The following SLC23A2 variants were observed in gnomAD, a reference collection of about 807,000 sequenced individuals.
SLC23A2 encodes the protein Na(+)/L-ascorbic acid transporter 2.
In SLC23A2, 36 loss-of-function variants were observed where a neutral mutation model predicts 73.3. The observed-to-expected ratio is 0.49, with a 90% CI of 0.38 to 0.65. The LOEUF is 0.65. Among genes scored for constraint, SLC23A2 ranks in the 30% least tolerant of loss-of-function variants. SLC23A2 has a pLI of 0.00. For synonymous variants in SLC23A2, 343 were observed against 327.3 expected (o/e 1.05, Z -0.52); for missense variants, 507 against 841.6 (o/e 0.60, Z 4.92).
intron 1 of SLC23A2, among the ~76,000 whole-genome samples, chr20:4,987,548 G>A (rs972621403): frequency 5.3e-5 from 8 of 152,104 alleles, no homozygotes; most frequent in African/African-American, 1.9e-4. Flanking sequence ...GGCTTTGTTC[G>A]CTAAAAAAAA....
chr20:4,975,245 C>T (rs1026987106), intron 1 of SLC23A2, among the ~76,000 whole-genome samples: 1 of 152,152 alleles, frequency 6.6e-6, no homozygotes, highest in African/African-American at 2.4e-5. Context: ...CCAATTCCTT[C>T]TGGGAATGCA....
At chr20:4,890,438 A>G (rs1306669890) in intron 6 of SLC23A2, among the ~76,000 whole-genome samples, 3 of 152,138 alleles carry the variant, frequency 2.0e-5, no homozygotes, top group Admixed American at 6.6e-5. Context: ...GGATAACCTG[A>G]GGTCATGAGT....
At chr20:4,982,906 G>C (rs1326782149) in intron 1 of SLC23A2, among the ~76,000 whole-genome samples, 1 of 151,796 alleles carries the variant, frequency 6.6e-6, no homozygotes, top group Non-Finnish European at 1.5e-5. Context: ...GGGAATTCGA[G>C]ACCAATCTGA....
intron 1 of SLC23A2, among the ~76,000 whole-genome samples, chr20:4,982,803 C>A (rs2087746836): frequency 1.3e-5 from 2 of 151,998 alleles, no homozygotes; most frequent in African/African-American, 4.8e-5. Context: ...GGTGATGAGA[C>A]AACCGAAAGT....
chr20:4,903,035 A>G (rs1406213040), intron 4 of SLC23A2, among the ~76,000 whole-genome samples: 1 of 152,150 alleles, frequency 6.6e-6, no homozygotes, highest in Admixed American at 6.5e-5. Flanking sequence ...GTACTTTAAA[A>G]TTCTACACCC....
chr20:4,878,127 C>T (rs183676346), intron 9 of SLC23A2, among the ~76,000 whole-genome samples: 1 of 152,352 alleles, frequency 6.6e-6, no homozygotes, highest in East Asian at 1.9e-4. Flanking sequence ...TTTAAATTAA[C>T]CAGTAGAACT....
At chr20:4,970,635 G>A (rs138677425) in intron 2 of SLC23A2, among the ~76,000 whole-genome samples, 158 bp downstream of exon 2, 2 of 152,312 alleles carry the variant, frequency 1.3e-5, no homozygotes, top group East Asian at 3.9e-4. Flanking sequence ...TACTTGGGAA[G>A]CTGAGGTAGA....
rs978522874 is a variant in SLC23A2, at chr20:4,862,198, A to G, written c.1487-113T>C. 8.6e-6 allele frequency: 9 copies of G among 1,043,068 alleles called. No homozygotes were observed. In the African/African-American group the frequency reaches 1.3e-4, roughly 15 times the overall value. The allele number at this position is 1,043,068 out of a possible 1,614,324, so 64.6% of individuals were successfully genotyped here. ...CTTCTCTGTCCAACAGAAACCAATG[A>G]GACCAGTGCAGGGACAGGAAGGGGG... On this transcript the variant is annotated intron_variant, in intron 14 of 16. Coordinates refer to ENST00000338244, the MANE Select transcript of SLC23A2 (RefSeq NM_005116.6). The surrounding 1 kb of genome is among the most constrained non-coding windows in gnomAD (Gnocchi z 5.1).
chr20:4,867,796 T>C lies in SLC23A2; in HGVS notation c.1330A>G (p.Asn444Asp). ...TTTGTAATTCCCAAAACTCCAATGTTGGGACTGGATGAAGTAGAGCCATTC... is the reference window on the plus strand; with the variant it reads ...TTTGTAATTCCCAAAACTCCAATGTCGGGACTGGATGAAGTAGAGCCATTC... Reference protein sequence around the residue: ...TGNGSTSSSPNIGVLGITKVG... With the variant: ...TGNGSTSSSPDIGVLGITKVG... The change falls in exon 13 of 17, where the codon AAC becomes GAC. Residue 444 changes from asparagine to aspartate, a missense_variant. Coordinates refer to ENST00000338244, the MANE Select transcript of SLC23A2 (RefSeq NM_005116.6). The C allele has an allele frequency of 1.2e-6, 2 of 1,603,770 alleles. No homozygotes were observed. Among genetic ancestry groups the C allele is most frequent in the Non-Finnish European group, 1.7e-6 (2 of 1,171,002 alleles).
Position 4,854,963 on chromosome 20 carries a change from C to G in SLC23A2, c.*2009G>C, listed in dbSNP as rs1929661349. ...TTGAGCAAAATCCAAACAGAAGGAA[C>G]TGAGAGCAACTCATTGCAGGAGGGC... On this transcript the variant is annotated 3_prime_UTR_variant, in exon 17 of 17. Transcript: ENST00000338244. 1 of 152,530 alleles carries G rather than the reference C, an allele frequency of 6.6e-6. No individual in the cohort carries two copies. Among genetic ancestry groups the G allele is most frequent in the Non-Finnish European group, 1.5e-5 (1 of 68,048 alleles). The allele number at this position is 152,530 out of a possible 1,614,324, so 9.4% of individuals were successfully genotyped here.
chr20:4,862,218 A>T lies in SLC23A2; in HGVS notation c.1487-133T>A, dbSNP rs1425557766. 2.3e-6 allele frequency: 2 copies of T among 887,256 alleles called. No individual in the cohort carries two copies. Among genetic ancestry groups the T allele is most frequent in the Admixed American group, 5.4e-5 (2 of 37,264 alleles). 55.0% of individuals were successfully genotyped at this position (887,256 alleles called of 1,614,324 possible). On this transcript the variant is annotated intron_variant, in intron 14 of 16. Coordinates refer to ENST00000338244, the MANE Select transcript of SLC23A2 (RefSeq NM_005116.6). The surrounding 1 kb of genome is among the most constrained non-coding windows in gnomAD (Gnocchi z 5.1). ...CAATGAGACCAGTGCAGGGACAGGAAGGGGGACGTGTGGGGTCAGACTGTA... is the reference window on the plus strand; with the variant it reads ...CAATGAGACCAGTGCAGGGACAGGATGGGGGACGTGTGGGGTCAGACTGTA...
At chr20:4,939,561 A>G (rs922361907) in intron 2 of SLC23A2, among the ~76,000 whole-genome samples, 15 of 152,238 alleles carry the variant, frequency 9.9e-5, no homozygotes, top group African/African-American at 3.4e-4. Flanking sequence ...AATGCCAGCG[A>G]CAAGCATCTG....
intron 4 of SLC23A2, among the ~76,000 whole-genome samples, chr20:4,904,053 G>A (rs978311558): frequency 1.3e-5 from 2 of 152,138 alleles, no homozygotes; most frequent in Non-Finnish European, 2.9e-5. Flanking sequence ...CCAGCACCAT[G>A]GGATGCTAAG....
At chr20:4,952,258 A>G (rs1025567687) in intron 2 of SLC23A2, among the ~76,000 whole-genome samples, 2 of 152,170 alleles carry the variant, frequency 1.3e-5, no homozygotes, top group Non-Finnish European at 2.9e-5. Flanking sequence ...ATATACTTGG[A>G]CACATCCTAG....
rs576121166 is a variant in SLC23A2 at position 4,855,403 on chromosome 20, G to A, written c.*1569C>T. On this transcript the variant is annotated 3_prime_UTR_variant, in exon 17 of 17. Coordinates refer to ENST00000338244, the MANE Select transcript of SLC23A2 (RefSeq NM_005116.6). Reference sequence around the variant, plus strand: ...AAGCTCGACCAGGCCAACGGCCACCGAAGATGTGCCACCTCATGAAGCGAG... The same window carrying A: ...AAGCTCGACCAGGCCAACGGCCACCAAAGATGTGCCACCTCATGAAGCGAG... 2 of 152,374 alleles carry A rather than the reference G, an allele frequency of 1.3e-5. No individual in the cohort carries two copies. Among genetic ancestry groups the A allele is most frequent in the African/African-American group, 4.8e-5 (2 of 41,588 alleles). 9.4% of individuals were successfully genotyped at this position (152,374 alleles called of 1,614,324 possible). A position where few individuals can be genotyped will look rare whatever the true frequency, so the allele number is the denominator to read the frequency against.
intron 1 of SLC23A2, among the ~76,000 whole-genome samples, chr20:4,977,684 C>T (rs2087664786): frequency 6.9e-6 from 1 of 145,438 alleles, no homozygotes; most frequent in Non-Finnish European, 1.5e-5. Context: ...GGTGACAGAG[C>T]GAGACTCTGT....
rs767171018 is a variant in SLC23A2, at chr20:4,883,592, C to T, written c.824+50G>A. The stretch of plus-strand genomic sequence containing the variant: ...ATCTCCTGAAGTCTGTGTGAATGTT[C>T]CTAAAGGCTGCCCCGCAGTGGTGGG... On this transcript the variant is annotated intron_variant, in intron 9 of 16. Transcript: ENST00000338244. The surrounding 1 kb of genome is among the most constrained non-coding windows in gnomAD (Gnocchi z 4.5). The T allele has an allele frequency of 7.4e-7, 1 of 1,343,550 alleles. No individual in the cohort carries two copies. Among genetic ancestry groups the T allele is most frequent in the South Asian group, 1.3e-5 (1 of 74,156 alleles). 83.2% of individuals were successfully genotyped at this position (1,343,550 alleles called of 1,614,324 possible). A position where few individuals can be genotyped will look rare whatever the true frequency, so the allele number is the denominator to read the frequency against.
chr20:4,912,742 A>G (rs553099029), intron 4 of SLC23A2, 138 bp downstream of exon 4: 7 of 658,106 alleles, frequency 1.1e-5, no homozygotes, highest in Non-Finnish European at 1.6e-5. Flanking sequence ...AAGAGAACAC[A>G]GCCCCTTGGG....
chr20:4,948,257 T>C (rs888254642), intron 2 of SLC23A2, among the ~76,000 whole-genome samples: 2 of 152,214 alleles, frequency 1.3e-5, no homozygotes, highest in Non-Finnish European at 2.9e-5. Context: ...CAGAGAAAGA[T>C]CCAGCTCCAC....
Sources: gnomAD v4.1 joint callset for allele counts (sites outside exome capture counted in the v4.1 genomes callset) on GRCh38, gnomAD v4.1.1 for gene constraint, Gnocchi (gnomAD v3.1) non-coding constraint, MANE v1.5 for transcripts, NCBI Gene and HGNC (gene_info 2026-07-23, HGNC 2026-07-21) for gene names.